Variants in GSDMC observed in about 807,000 individuals in gnomAD.
The protein encoded by GSDMC is gasdermin C, also known as gasdermin-C.
Under a neutral mutation model 58.0 loss-of-function variants are expected in GSDMC, and 59 were observed. That is an observed-to-expected ratio of 1.02 (90% CI 0.82 to 1.26). GSDMC has a LOEUF of 1.26. Ranked by LOEUF, GSDMC falls within the 50% of genes most tolerant of loss-of-function variation. The pLI is 0.00. For missense variants in GSDMC, 659 were observed against 598.5 expected, an observed-to-expected ratio of 1.10 and a Z score of -1.06; for synonymous variants, 241 against 220.2, an observed-to-expected ratio of 1.09 and a Z score of -0.83.
At chr8:129,731,273 T>C in the GSDMC span, among the ~76,000 whole-genome samples, 1 of 152,006 alleles carries the variant, frequency 6.6e-6, no homozygotes, top group Non-Finnish European at 1.5e-5. Flanking sequence ...ATGGAAAGAG[T>C]GTGACTACTC....
chr8:129,762,846 T>C, intron 4 of GSDMC, 115 bp from the exon 5 acceptor site: 1 of 644,584 alleles, frequency 1.6e-6, no homozygotes, highest in Non-Finnish European at 2.7e-6. Context: ...TCCTCCCTAC[T>C]GCTGACTTCT....
Position 129,762,664 on chromosome 8 carries a change from A to G in GSDMC, c.638T>C (p.Met213Thr). Reference sequence around the variant, plus strand: ...AACCAGCTGCTTTCTCTTATAAGCCATCACCATGCCTTTCTGAAGAGTCAG... The same window carrying G: ...AACCAGCTGCTTTCTCTTATAAGCCGTCACCATGCCTTTCTGAAGAGTCAG... Reference protein sequence around the residue: ...KALTLQKGMVMAYKRKQLVIK... With the variant: ...KALTLQKGMVTAYKRKQLVIK... The change falls in exon 5 of 14, where the codon ATG (methionine) becomes ACG (threonine). Residue 213 changes from methionine (M) to threonine (T), a missense_variant. Coordinates refer to ENST00000276708, the MANE Select transcript of GSDMC (RefSeq NM_031415.3). 2 of 1,613,890 alleles carry G rather than the reference A, an allele frequency of 1.2e-6. No homozygotes were observed. The highest frequency in any genetic ancestry group is 1.7e-6 in the Non-Finnish European group (2 of 1,179,768).
chr8:129,749,535 G>T lies in GSDMC; in HGVS notation c.1214-10C>A. On this transcript the variant is annotated splice_polypyrimidine_tract_variant and intron_variant, in intron 12 of 13. Transcript: ENST00000276708. ...TGGAAGTCACTCAGCACTGAGGGTG[G>T]GGGACATGTGGGGAAAGACAGTAGT... 1 of 1,604,482 alleles carries T rather than the reference G, an allele frequency of 6.2e-7. No individual in the cohort carries two copies. The highest frequency in any genetic ancestry group is 8.5e-7 in the Non-Finnish European group (1 of 1,171,386).
the GSDMC span, among the ~76,000 whole-genome samples, chr8:129,715,254 T>C: frequency 1.3e-5 from 2 of 152,088 alleles, no homozygotes; most frequent in African/African-American, 4.8e-5. Context: ...TAATCAGTCC[T>C]AGACTAAACA....
At chr8:129,761,581 T>C (rs2033662818) in intron 5 of GSDMC, among the ~76,000 whole-genome samples, 1 of 152,188 alleles carries the variant, frequency 6.6e-6, no homozygotes, top group Non-Finnish European at 1.5e-5. Flanking sequence ...TGTTTGTTGT[T>C]GATGATGATG....
At chr8:129,719,417 A>G in the GSDMC span, among the ~76,000 whole-genome samples, 2 of 152,188 alleles carry the variant, frequency 1.3e-5, no homozygotes, top group Non-Finnish European at 2.9e-5. Context: ...AAAAATTTAC[A>G]ATTATGGTGT....
the GSDMC span, among the ~76,000 whole-genome samples, chr8:129,740,832 G>T: frequency 6.6e-6 from 1 of 152,146 alleles, no homozygotes; most frequent in Non-Finnish European, 1.5e-5. Context: ...TTACTGCACA[G>T]AAGCTTTTTA....
chr8:129,735,651 A>T, the GSDMC span, among the ~76,000 whole-genome samples: 3 of 152,240 alleles, frequency 2.0e-5, no homozygotes, highest in African/African-American at 7.2e-5. Context: ...GGACACATTT[A>T]AAGCAGTGTG....
the GSDMC span, among the ~76,000 whole-genome samples, chr8:129,714,551 T>G: frequency 1.3e-5 from 2 of 152,222 alleles, no homozygotes; most frequent in Admixed American, 6.5e-5. Flanking sequence ...CTATAGCAAG[T>G]GATACTGATT....
intron 6 of GSDMC, among the ~76,000 whole-genome samples, chr8:129,753,634 C>T (rs2033311365): frequency 6.6e-6 from 1 of 152,190 alleles, no homozygotes; most frequent in African/African-American, 2.4e-5. Context: ...AAAGAGGAGG[C>T]TTTGCCTTGC....
the GSDMC span, among the ~76,000 whole-genome samples, chr8:129,736,638 C>A: frequency 8.5e-5 from 13 of 152,282 alleles, no homozygotes; most frequent in East Asian, 2.5e-3. Flanking sequence ...GGGACGTTAT[C>A]TCAAAATAAT....
chr8:129,762,088 A>T (rs546881772), intron 5 of GSDMC, among the ~76,000 whole-genome samples: 11 of 152,310 alleles, frequency 7.2e-5, no homozygotes, highest in African/African-American at 2.4e-4. Context: ...TTCTGCCCAC[A>T]TGGAGTCTAA....
the GSDMC span, among the ~76,000 whole-genome samples, chr8:129,740,488 T>C: frequency 6.6e-6 from 1 of 152,194 alleles, no homozygotes; most frequent in Non-Finnish European, 1.5e-5. Flanking sequence ...TCAGATTTGT[T>C]TAGTTACACA....
At chr8:129,751,600 C>G in intron 9 of GSDMC, 32 bp from the exon 10 acceptor site, 1 of 1,605,802 alleles carries the variant, frequency 6.2e-7, no homozygotes, top group East Asian at 2.2e-5. Flanking sequence ...CATCTCACTT[C>G]CTCATCCCCC....
At position 129,766,189 on chromosome 8, in the gene GSDMC, C is replaced by T. The variant is rs1404555035; in HGVS notation, c.405-396G>A. Among the ~76,000 whole-genome samples the T allele has an allele frequency of 4.6e-5, 7 of 152,084 alleles. No homozygotes were observed. The East Asian group carries it at 1.2e-3, about 25-fold the overall frequency. On this transcript the variant is annotated intron_variant, in intron 3 of 13. Coordinates refer to ENST00000276708, the MANE Select transcript of GSDMC (RefSeq NM_031415.3). The stretch of plus-strand genomic sequence containing the variant: ...GTCAAAGCTGGGTATTCACACCGAA[C>T]GTGTCAATTAGCACAATCAGGGTGG...
At chr8:129,744,973 T>G (rs991284418), downstream of GSDMC, among the ~76,000 whole-genome samples, 6 of 152,140 alleles carry the variant, frequency 3.9e-5, no homozygotes, top group South Asian at 2.1e-4. Context: ...CCTAGAGAGG[T>G]CCACTGTTTA....
At chr8:129,759,469 G>A (rs1250988021) in intron 6 of GSDMC, among the ~76,000 whole-genome samples, 1 of 152,102 alleles carries the variant, frequency 6.6e-6, no homozygotes, top group Non-Finnish European at 1.5e-5. Flanking sequence ...ACCCATCTGA[G>A]AAGGGATTAA....
chr8:129,759,147 C>G (rs1424377391), intron 6 of GSDMC, among the ~76,000 whole-genome samples: 1 of 152,166 alleles, frequency 6.6e-6, no homozygotes, highest in East Asian at 1.9e-4. Context: ...GCTGGGAAAA[C>G]TGGATATCCG....
chr8:129,719,653 C>T, the GSDMC span, among the ~76,000 whole-genome samples: 4 of 152,090 alleles, frequency 2.6e-5, no homozygotes, highest in East Asian at 1.9e-4. Flanking sequence ...CATTTAAAAA[C>T]GATTCAAGTG....
Sources: allele counts gnomAD v4.1 joint callset (sites outside exome capture counted in the v4.1 genomes callset), GRCh38; gene constraint gnomAD v4.1.1; transcripts MANE v1.5; gene names NCBI Gene and HGNC (gene_info 2026-07-23, HGNC 2026-07-21).